MYO10: variants seen among roughly 807,000 people sequenced by gnomAD.
MYO10 encodes the protein myosin X.
In MYO10, 133 loss-of-function variants were observed where a neutral mutation model predicts 257.3. The ratio of observed to expected loss-of-function variants is 0.52; its 90% CI spans 0.45 to 0.60. The LOEUF (loss-of-function observed/expected upper bound fraction) is 0.60, where lower values mean the gene tolerates loss of function less well. Among genes scored for constraint, MYO10 ranks in the 20% least tolerant of loss-of-function variants. The probability of loss-of-function intolerance (pLI) is 0.00; values close to 1 mark genes in which losing one functional copy is unlikely to be tolerated. For missense variants in MYO10, 2,399 were observed against 2,635.7 expected, an observed-to-expected ratio of 0.91 and a Z score of 1.97; for synonymous variants, 1,104 against 1,028.6, an observed-to-expected ratio of 1.07 and a Z score of -1.40.
At chr5:16,884,848 G>A (rs1744851180) in intron 1 of MYO10, among the ~76,000 whole-genome samples, 1 of 152,092 alleles carries the variant, frequency 6.6e-6, no homozygotes. Flanking sequence ...GTTGGGGACT[G>A]CAGGATCATT....
At chr5:16,717,522 G>A (rs1230321294) in intron 19 of MYO10, among the ~76,000 whole-genome samples, 4 of 152,180 alleles carry the variant, frequency 2.6e-5, no homozygotes, top group Admixed American at 6.5e-5. Context: ...CGACCACATC[G>A]ATAAGAAATC....
intron 28 of MYO10, among the ~76,000 whole-genome samples, chr5:16,686,219 G>A (rs900271593): frequency 6.6e-6 from 1 of 152,022 alleles, no homozygotes; most frequent in Non-Finnish European, 1.5e-5. Context: ...TATAAACTAG[G>A]GAACATTCAG....
At position 16,935,846 on chromosome 5, in the gene MYO10, C is replaced by T. The variant is rs777911037; in HGVS notation, c.-38G>A. 3 of 1,610,748 alleles carry T rather than the reference C, an allele frequency of 1.9e-6. No homozygotes were observed. The highest frequency in any genetic ancestry group is 4.5e-5 in the East Asian group (2 of 44,726). On this transcript the variant is annotated 5_prime_UTR_variant, in exon 1 of 41. Coordinates refer to ENST00000513610, the MANE Select transcript of MYO10 (RefSeq NM_012334.3). ...GTCCCGGACTCGCCGAGTGCCGCTCCGACTCGCGGAAGTCAGCGCCGCCGC... is the reference window on the plus strand; with the variant it reads ...GTCCCGGACTCGCCGAGTGCCGCTCTGACTCGCGGAAGTCAGCGCCGCCGC...
chr5:16,777,196 G>A (rs1035361251), intron 9 of MYO10, among the ~76,000 whole-genome samples: 4 of 152,130 alleles, frequency 2.6e-5, no homozygotes, highest in African/African-American at 7.2e-5. Context: ...CCACACCTCC[G>A]CAGGCAGATG....
In MYO10 at chr5:16,757,914, C is replaced by T. The variant is rs532428558; in HGVS notation, c.1848+204G>A. Among the ~76,000 whole-genome samples the T allele has an allele frequency of 9.2e-5, 14 of 152,340 alleles. No individual in the cohort carries two copies. In the East Asian group the frequency reaches 2.3e-3, roughly 25 times the overall value. The stretch of plus-strand genomic sequence containing the variant: ...CCCTGAGCTCAGGTGATCTGCCCAC[C>T]TCGGCCTCCCAAAGTGCTGAGAATA... On this transcript the variant is annotated intron_variant, in intron 18 of 40. Coordinates refer to ENST00000513610, the MANE Select transcript of MYO10 (RefSeq NM_012334.3).
At chr5:16,843,381 T>C (rs946438754) in intron 2 of MYO10, among the ~76,000 whole-genome samples, 9 of 152,246 alleles carry the variant, frequency 5.9e-5, no homozygotes, top group African/African-American at 1.9e-4. Context: ...TTCTTACCTG[T>C]ATAACCTGGC....
At chr5:16,910,560 T>G (rs987351446) in intron 1 of MYO10, among the ~76,000 whole-genome samples, 1 of 152,236 alleles carries the variant, frequency 6.6e-6, no homozygotes, top group African/African-American at 2.4e-5. Flanking sequence ...CTCAGATATT[T>G]TATTATAATT....
intron 15 of MYO10, 30 bp from the exon 16 acceptor site, chr5:16,762,143 A>ATATATATATAT (rs1553993578): frequency 9.5e-7 from 1 of 1,055,844 alleles, no homozygotes; most frequent in African/African-American, 1.6e-5. Context: ...AAAAAAAAAA[A>ATATATATATAT]ATACAATGCC....
intron 19 of MYO10, chr5:16,738,281 G>A: frequency 1.0e-6 from 1 of 985,424 alleles, no homozygotes; most frequent in Non-Finnish European, 1.2e-6. Flanking sequence ...AGGAAGGAGG[G>A]GTGGTTAGCA....
chr5:16,753,524 T>A (rs1197650817), intron 19 of MYO10, among the ~76,000 whole-genome samples: 1 of 136,892 alleles, frequency 7.3e-6, no homozygotes, highest in Non-Finnish European at 1.5e-5. Context: ...CAGGCTGGAG[T>A]GCAGTGGCAG....
chr5:16,790,380 G>A (rs551387811), intron 4 of MYO10, among the ~76,000 whole-genome samples: 2 of 152,212 alleles, frequency 1.3e-5, no homozygotes, highest in Admixed American at 6.5e-5. Flanking sequence ...CATATGTACT[G>A]CAAAGACCAC....
chr5:16,877,440 T>C (rs944642314), intron 2 of MYO10, among the ~76,000 whole-genome samples, 169 bp downstream of exon 2: 2 of 152,344 alleles, frequency 1.3e-5, no homozygotes, highest in East Asian at 1.9e-4. Context: ...TTGTATCTAT[T>C]ACACACACAT....
At position 16,670,691 on chromosome 5, in the gene MYO10, C is replaced by T. The variant is rs1736408856; in HGVS notation, c.5718G>A (p.Glu1906=). 1.9e-6 allele frequency: 3 copies of T among 1,613,914 alleles called. No individual in the cohort carries two copies. The highest frequency in any genetic ancestry group is 2.2e-5 in the South Asian group (2 of 91,088). ...GSVVRQKVEE[E]QMLDMWIKEE... The stretch of plus-strand genomic sequence containing the variant: ...CCTTAATCCACATGTCCAGCATCTG[C>T]TCCTCCTCGACCTTCTGCCGGACCA... Residue 1906 remains glutamate (E), a synonymous_variant, in exon 39 of 41, where the codon GAG becomes GAA. Transcript: ENST00000513610.
intron 2 of MYO10, among the ~76,000 whole-genome samples, chr5:16,850,307 C>T (rs1334668655): frequency 6.6e-6 from 1 of 152,124 alleles, no homozygotes; most frequent in Admixed American, 6.6e-5. Context: ...TGGAGTCTCA[C>T]TCTGTTGTCA....
intron 3 of MYO10, among the ~76,000 whole-genome samples, chr5:16,812,132 G>T (rs1028486582): frequency 1.3e-5 from 2 of 152,218 alleles, no homozygotes; most frequent in African/African-American, 4.8e-5. Flanking sequence ...GAGGTTCAGG[G>T]TGGAAACCTG....
At position 16,774,445 on chromosome 5, in the gene MYO10, G is replaced by A. The variant is rs376561918; in HGVS notation, c.930+5100C>T. On this transcript the variant is annotated intron_variant, in intron 9 of 40. Transcript: ENST00000513610. ...TTTTTTTAATTTATTTTTTTGAGAC[G>A]GAGTCTCACTCTGTTGCCCAGGCTG... Among the ~76,000 whole-genome samples, 136 of 151,710 alleles carry A rather than the reference G, an allele frequency of 9.0e-4. 1 individual carries two copies. The South Asian group carries it at 9.6e-3, about 11-fold the overall frequency.
At chr5:16,796,239 G>A (rs574582432) in intron 3 of MYO10, among the ~76,000 whole-genome samples, 7 of 96,630 alleles carry the variant, frequency 7.2e-5, no homozygotes, top group East Asian at 3.2e-4. Context: ...GAGAAAGAGC[G>A]AGCGTGCGAG....
chr5:16,821,496 T>A (rs1742813197), intron 2 of MYO10, among the ~76,000 whole-genome samples: 1 of 116,228 alleles, frequency 8.6e-6, no homozygotes, highest in Admixed American at 1.2e-4. Context: ...AGACGGAGTC[T>A]CGCTCTGTCA....
In MYO10 at chr5:16,663,325, GTTGTTTTTTTTTTTTTTT is replaced by G. The variant is rs1364520156; in HGVS notation, c.*3349_*3366del. The G allele has an allele frequency of 4.8e-5, 2 of 41,304 alleles. No individual in the cohort carries two copies. The highest frequency in any genetic ancestry group is 8.5e-5 in the Non-Finnish European group (2 of 23,536). 2.6% of individuals were successfully genotyped at this position (41,304 alleles called of 1,614,324 possible). ...GGAAAAAAGTAACATTTTACTTCTA[GTTGTTTTTTTTTTTTTTT>G]TTTTTTTTTTTTTTTTTTTTTTTTA... is the stretch of plus-strand genomic sequence containing the variant. On this transcript the variant is annotated 3_prime_UTR_variant, in exon 41 of 41. Coordinates refer to ENST00000513610, the MANE Select transcript of MYO10 (RefSeq NM_012334.3).
Sources: gnomAD v4.1 joint callset for allele counts (sites outside exome capture counted in the v4.1 genomes callset) on GRCh38, gnomAD v4.1.1 for gene constraint, MANE v1.5 for transcripts, NCBI Gene and HGNC (gene_info 2026-07-23, HGNC 2026-07-21) for gene names.